Variants in ZNF148 observed in about 807,000 individuals in gnomAD.
ZNF148 encodes the protein zinc finger protein 148.
In ZNF148, 7 loss-of-function variants were observed where a neutral mutation model predicts 67.7. The ratio of observed to expected loss-of-function variants is 0.10; its 90% CI spans 0.06 to 0.19. The LOEUF (loss-of-function observed/expected upper bound fraction) is 0.19, where lower values mean the gene tolerates loss of function less well. Ranked by LOEUF, ZNF148 falls within the 10% of genes least tolerant of loss-of-function variation. ZNF148 has a pLI of 1.00. For missense variants in ZNF148, 583 were observed against 947.1 expected (o/e 0.62, Z 5.05); for synonymous variants, 333 against 330.7 (o/e 1.01, Z -0.08).
intron 7 of ZNF148, among the ~76,000 whole-genome samples, chr3:125,274,051 A>C (rs1937910191): frequency 6.6e-6 from 1 of 152,232 alleles, no homozygotes; most frequent in African/African-American, 2.4e-5. Context: ...GGTGAGAAGA[A>C]AATAACACAA....
chr3:125,300,333 C>T (rs1295301305), intron 4 of ZNF148, among the ~76,000 whole-genome samples: 1 of 152,138 alleles, frequency 6.6e-6, no homozygotes. Context: ...AATGCAATCA[C>T]TTCAAAAGGT....
At chr3:125,366,077 C>T (rs753989873) in intron 1 of ZNF148, among the ~76,000 whole-genome samples, 6 of 152,208 alleles carry the variant, frequency 3.9e-5, no homozygotes, top group Admixed American at 2.6e-4. Flanking sequence ...ATCTAATATA[C>T]GGTCCTTGGC....
chr3:125,326,493 A>T (rs1389808332), intron 2 of ZNF148, among the ~76,000 whole-genome samples: 8 of 151,680 alleles, frequency 5.3e-5, no homozygotes, highest in Admixed American at 6.6e-5. Context: ...AAATATAGTT[A>T]AAAAAATCAA....
intron 4 of ZNF148, among the ~76,000 whole-genome samples, chr3:125,312,685 C>T (rs1181376921): frequency 6.6e-6 from 1 of 152,032 alleles, no homozygotes. Flanking sequence ...GAAAGGAACC[C>T]AGGTTTGATA....
chr3:125,277,650 T>C (rs767271849), intron 7 of ZNF148, 76 bp downstream of exon 7: 15 of 1,263,908 alleles, frequency 1.2e-5, no homozygotes, highest in Non-Finnish European at 1.6e-5. Context: ...AGCAAGTCAC[T>C]GCCACTTATT....
At chr3:125,262,662 T>C (rs765619376) in intron 7 of ZNF148, among the ~76,000 whole-genome samples, 35 of 152,236 alleles carry the variant, frequency 2.3e-4, no homozygotes, top group Non-Finnish European at 2.9e-5. Context: ...GTGATATTAA[T>C]TCAGAAAAAG....
chr3:125,257,152 G>T (rs902604388), intron 7 of ZNF148, among the ~76,000 whole-genome samples: 1 of 151,500 alleles, frequency 6.6e-6, no homozygotes. Flanking sequence ...TTTTTCTCTT[G>T]GCTTTCTGTC....
chr3:125,317,658 T>TAGAGAGAGAGAGAG (rs796905351), intron 3 of ZNF148, among the ~76,000 whole-genome samples: 687 of 27,914 alleles, frequency 0.025, 12 homozygotes, highest in Non-Finnish European at 0.035. Flanking sequence ...TATATATATA[T>TAGAGAGAGAGAGAG]ATATAGAGAG....
chr3:125,358,787 G>T (rs1487540176), intron 1 of ZNF148, among the ~76,000 whole-genome samples: 1 of 151,946 alleles, frequency 6.6e-6, no homozygotes, highest in African/African-American at 2.4e-5. Context: ...ACATATACAG[G>T]GGCCTGCAGA....
chr3:125,304,111 G>A (rs1939744235), intron 4 of ZNF148, among the ~76,000 whole-genome samples: 1 of 152,054 alleles, frequency 6.6e-6, no homozygotes, highest in African/African-American at 2.4e-5. Flanking sequence ...CCAGGAACCA[G>A]TCAGGTCTAA....
At chr3:125,353,303 C>T (rs1278182003) in intron 1 of ZNF148, among the ~76,000 whole-genome samples, 1 of 151,358 alleles carries the variant, frequency 6.6e-6, no homozygotes, top group Non-Finnish European at 1.5e-5. Context: ...GGGGTGGGAA[C>T]ATAAAGGGAT....
intron 1 of ZNF148, among the ~76,000 whole-genome samples, chr3:125,340,474 AAAG>A (rs1360890470): frequency 6.6e-6 from 1 of 152,194 alleles, no homozygotes; most frequent in Non-Finnish European, 1.5e-5. Context: ...ACAGGCGAGA[AAAG>A]AAGAGACCAG....
rs556326050 is a variant in ZNF148 at position 125,284,871 on chromosome 3, T to C, written c.459+3232A>G. Among the ~76,000 whole-genome samples, 24 of 143,272 alleles carry C rather than the reference T, an allele frequency of 1.7e-4. No homozygotes were observed. The South Asian group carries it at 5.2e-3, about 31-fold the overall frequency. 94.0% of individuals were successfully genotyped at this position (143,272 alleles called of 152,430 possible). A position where few individuals can be genotyped will look rare whatever the true frequency, so the allele number is the denominator to read the frequency against. On this transcript the variant is annotated intron_variant, in intron 5 of 8. Coordinates refer to ENST00000360647, the MANE Select transcript of ZNF148 (RefSeq NM_021964.3). ...TAGGCAAATTTCAAGTGTCAAAACC[T>C]ACCTTAAGATGATCAGGCTTTCCCA...
chr3:125,305,044 A>C (rs1939800677), intron 4 of ZNF148, among the ~76,000 whole-genome samples: 1 of 152,250 alleles, frequency 6.6e-6, no homozygotes, highest in Admixed American at 6.5e-5. Context: ...TAATCACAGT[A>C]ATAGATTTTA....
At chr3:125,247,713 A>T (rs950355896) in intron 7 of ZNF148, among the ~76,000 whole-genome samples, 1 of 152,198 alleles carries the variant, frequency 6.6e-6, no homozygotes, top group Non-Finnish European at 1.5e-5. Context: ...TGCTGGGATT[A>T]CATGTGTGAG....
chr3:125,337,084 G>A (rs1941531359), intron 1 of ZNF148, among the ~76,000 whole-genome samples: 1 of 150,188 alleles, frequency 6.7e-6, no homozygotes, highest in Non-Finnish European at 1.5e-5. Flanking sequence ...ACTGCACTTA[G>A]CTGAGAAAGA....
At chr3:125,305,570 GGGA>G (rs551585186) in intron 4 of ZNF148, among the ~76,000 whole-genome samples, 198 of 152,234 alleles carry the variant, frequency 1.3e-3, no homozygotes, top group African/African-American at 4.4e-3. Context: ...CCAGTACTTT[GGGA>G]GGTGAAAGCA....
intron 7 of ZNF148, among the ~76,000 whole-genome samples, chr3:125,273,579 C>T (rs565307690): frequency 1.3e-3 from 190 of 150,240 alleles, no homozygotes; most frequent in African/African-American, 4.2e-3. Context: ...CCACAACCTC[C>T]GCCTCCCAGG....
At chr3:125,352,662 T>TA (rs34630272) in intron 1 of ZNF148, among the ~76,000 whole-genome samples, 1,913 of 138,028 alleles carry the variant, frequency 0.014, 39 homozygotes, top group African/African-American at 0.045. Flanking sequence ...ACCTCTATCT[T>TA]AAAAAAAAAA....
Sources: allele counts gnomAD v4.1 joint callset (sites outside exome capture counted in the v4.1 genomes callset), GRCh38; gene constraint gnomAD v4.1.1; transcripts MANE v1.5; gene names NCBI Gene and HGNC (gene_info 2026-07-23, HGNC 2026-07-21).